The following IL36RN variants were observed in gnomAD, a reference collection of about 807,000 sequenced individuals.
IL36RN encodes the protein interleukin 36 receptor antagonist.
IL36RN carries 11 observed loss-of-function variants against 13.0 expected under a neutral mutation model. The observed-to-expected ratio is 0.85, with a 90% CI of 0.53 to 1.40. The LOEUF is 1.40. Ranked by LOEUF, IL36RN falls within the 40% of genes most tolerant of loss-of-function variation. IL36RN has a pLI of 0.00. For synonymous variants in IL36RN, 94 were observed against 84.1 expected (o/e 1.12, Z -0.64); for missense variants, 195 against 195.3 (o/e 1.00, Z 0.01).
chr2:113,059,582 G>A, intron 2 of IL36RN, 115 bp downstream of exon 2: 1 of 1,219,924 alleles, frequency 8.2e-7, no homozygotes, highest in Non-Finnish European at 1.2e-6. Context: ...ATTGCAGCTG[G>A]GAAATTGTGA....
chr2:113,061,296 G>T (rs1203433332), intron 3 of IL36RN, among the ~76,000 whole-genome samples: 1 of 152,202 alleles, frequency 6.6e-6, no homozygotes, highest in African/African-American at 2.4e-5. Context: ...CCATATGGGA[G>T]TGGGTTTCTG....
In IL36RN at chr2:113,064,453, A is replaced by G. The variant is rs1685702639; in HGVS notation, c.*1776A>G. ...GCAGAAGTGATGGCATGCCACTTCC[A>G]AGATTAGGTTATAAAAGACACTGCA... On this transcript the variant is annotated 3_prime_UTR_variant, in exon 5 of 5. Transcript: ENST00000393200. The G allele has an allele frequency of 6.6e-6, 1 of 152,184 alleles. No individual in the cohort carries two copies. The highest frequency in any genetic ancestry group is 2.4e-5 in the African/African-American group (1 of 41,422). The allele number at this position is 152,184 out of a possible 1,614,324, so 9.4% of individuals were successfully genotyped here. A position where few individuals can be genotyped will look rare whatever the true frequency, so the allele number is the denominator to read the frequency against.
chr2:113,059,813 C>T (rs1685605188), intron 2 of IL36RN, among the ~76,000 whole-genome samples: 1 of 152,172 alleles, frequency 6.6e-6, no homozygotes, highest in African/African-American at 2.4e-5. Context: ...AGCTCACCCA[C>T]TCTGTGCCCC....
rs2105071396 is a variant in IL36RN at position 113,064,072 on chromosome 2, G to T, written c.*1395G>T. ...AAAAGGAGAGGACACAGAGACAGAG[G>T]AGATGCGGGGAAGACTATGTAAAGA... On this transcript the variant is annotated 3_prime_UTR_variant, in exon 5 of 5. Coordinates refer to ENST00000393200, the MANE Select transcript of IL36RN (RefSeq NM_012275.3). 1 of 152,290 alleles carries T rather than the reference G, an allele frequency of 6.6e-6. No individual in the cohort carries two copies. The highest frequency in any genetic ancestry group is 2.4e-5 in the African/African-American group (1 of 41,556). The allele number at this position is 152,290 out of a possible 1,614,324, so 9.4% of individuals were successfully genotyped here.
chr2:113,059,582 G>T, intron 2 of IL36RN, 115 bp downstream of exon 2: 1 of 1,219,926 alleles, frequency 8.2e-7, no homozygotes, highest in Non-Finnish European at 1.2e-6. Context: ...ATTGCAGCTG[G>T]GAAATTGTGA....
intron 1 of IL36RN, 80 bp downstream of exon 1, chr2:113,059,321 T>C: frequency 8.9e-7 from 1 of 1,126,008 alleles, no homozygotes; most frequent in Non-Finnish European, 1.3e-6. Context: ...GCTGTTCACA[T>C]GCTGGGGAGC....
In IL36RN at chr2:113,059,396, GTTTA is replaced by G; in HGVS notation, c.-27-13_-27-10del. 1 of 1,612,474 alleles carries G rather than the reference GTTTA, an allele frequency of 6.2e-7. No homozygotes were observed. Among genetic ancestry groups the G allele is most frequent in the Non-Finnish European group, 8.5e-7 (1 of 1,178,888 alleles). ...GCCTCTCTCTCCATGATTTTCTGTTGTTTATTCCAAAATAGGGGAGTCTACACCC... is the reference window on the plus strand; with the variant it reads ...GCCTCTCTCTCCATGATTTTCTGTTGTTCCAAAATAGGGGAGTCTACACCC... On this transcript the variant is annotated splice_polypyrimidine_tract_variant and intron_variant, in intron 1 of 4. Transcript: ENST00000393200.
Position 113,063,014 on chromosome 2 carries a change from T to C in IL36RN, c.*337T>C, listed in dbSNP as rs1294372155. The C allele has an allele frequency of 5.3e-6, 2 of 377,772 alleles. No individual in the cohort carries two copies. Among genetic ancestry groups the C allele is most frequent in the Non-Finnish European group, 1.0e-5 (2 of 195,852 alleles). The allele number at this position is 377,772 out of a possible 1,614,324, so 23.4% of individuals were successfully genotyped here. A position where few individuals can be genotyped will look rare whatever the true frequency, so the allele number is the denominator to read the frequency against. ...TAATGGTAACTGACCAGTGTTACCC[T>C]GAGCCCCGCAGGCCAACCCATCCCC... On this transcript the variant is annotated 3_prime_UTR_variant, in exon 5 of 5. Transcript: ENST00000393200.
At position 113,062,776 on chromosome 2, in the gene IL36RN, C is replaced by A. The variant is rs547397492; in HGVS notation, c.*99C>A. ...ACAATCACTCTCTCTGCTCTCAGGACCCCCACGTCTGACTTAGTGGGCACC... is the reference window on the plus strand; with the variant it reads ...ACAATCACTCTCTCTGCTCTCAGGAACCCCACGTCTGACTTAGTGGGCACC... On this transcript the variant is annotated 3_prime_UTR_variant, in exon 5 of 5. Transcript: ENST00000393200. The A allele has an allele frequency of 1.9e-6, 2 of 1,078,422 alleles. No individual in the cohort carries two copies. Among genetic ancestry groups the A allele is most frequent in the African/African-American group, 1.6e-5 (1 of 64,262 alleles). 66.8% of individuals were successfully genotyped at this position (1,078,422 alleles called of 1,614,324 possible). A position where few individuals can be genotyped will look rare whatever the true frequency, so the allele number is the denominator to read the frequency against.
chr2:113,058,752 G>A (rs559451841), upstream of IL36RN: 1 of 152,660 alleles, frequency 6.6e-6, no homozygotes, highest in African/African-American at 2.4e-5. Flanking sequence ...AGGTAAGGAA[G>A]AAAGGGAATA....
rs748582624 is a variant in IL36RN at position 113,062,686 on chromosome 2, GC to G, written c.*15del. On this transcript the variant is annotated 3_prime_UTR_variant, in exon 5 of 5. Coordinates refer to ENST00000393200, the MANE Select transcript of IL36RN (RefSeq NM_012275.3). Reference sequence around the variant, plus strand: ...TCCAGCAGTGTGACTAGGGCAACGTGCCCCCCAGAACTCCCTGGGCAGAGCC... The same window carrying G: ...TCCAGCAGTGTGACTAGGGCAACGTGCCCCCAGAACTCCCTGGGCAGAGCC... The G allele has an allele frequency of 4.5e-5, 73 of 1,606,898 alleles. No homozygotes were observed. The highest frequency in any genetic ancestry group is 5.9e-5 in the Non-Finnish European group (69 of 1,179,034).
Position 113,063,129 on chromosome 2 carries a change from T to A in IL36RN, c.*452T>A, listed in dbSNP as rs1386835479. 4 of 263,418 alleles carry A rather than the reference T, an allele frequency of 1.5e-5. 1 individual carries two copies. Among genetic ancestry groups the A allele is most frequent in the Admixed American group, 1.5e-4 (3 of 20,030 alleles). The allele number at this position is 263,418 out of a possible 1,614,324, so 16.3% of individuals were successfully genotyped here. ...AGGGAGGTGGTCATAGAGTCAGGGATCTATGGCCCTTGGCCCAGCCCCACC... is the reference window on the plus strand; with the variant it reads ...AGGGAGGTGGTCATAGAGTCAGGGAACTATGGCCCTTGGCCCAGCCCCACC... On this transcript the variant is annotated 3_prime_UTR_variant, in exon 5 of 5. Transcript: ENST00000393200.
chr2:113,059,108 C>T (rs1447768200), upstream of IL36RN: 5 of 410,128 alleles, frequency 1.2e-5, no homozygotes, highest in African/African-American at 4.0e-5. Context: ...TGTGAAATCA[C>T]GCTGGGAATC....
chr2:113,059,509 A>G, intron 2 of IL36RN, 42 bp downstream of exon 2: 1 of 1,611,736 alleles, frequency 6.2e-7, no homozygotes, highest in Non-Finnish European at 8.5e-7. Context: ...CCTCCGGAGG[A>G]AGTGAGTTCT....
chr2:113,059,155 T>G, upstream of IL36RN: 1 of 504,706 alleles, frequency 2.0e-6, no homozygotes, highest in Non-Finnish European at 3.6e-6. Context: ...TCAGGGCCCC[T>G]CCCTAGGCCT....
In IL36RN at chr2:113,062,822, T is replaced by C. The variant is rs984138108; in HGVS notation, c.*145T>C. The C allele has an allele frequency of 2.7e-6, 2 of 746,464 alleles. No homozygotes were observed. Among genetic ancestry groups the C allele is most frequent in the East Asian group, 5.4e-5 (2 of 37,290 alleles). The allele number at this position is 746,464 out of a possible 1,614,324, so 46.2% of individuals were successfully genotyped here. A position where few individuals can be genotyped will look rare whatever the true frequency, so the allele number is the denominator to read the frequency against. On this transcript the variant is annotated 3_prime_UTR_variant, in exon 5 of 5. Coordinates refer to ENST00000393200, the MANE Select transcript of IL36RN (RefSeq NM_012275.3). ...GCACCTGACCACTTTGTCTTCTGGT[T>C]CCCAGTTTGGATAAATTCTGAGATT... is the stretch of plus-strand genomic sequence containing the variant.
chr2:113,062,783 G>C lies in IL36RN; in HGVS notation c.*106G>C. ...CTCTCTCTGCTCTCAGGACCCCCAC[G>C]TCTGACTTAGTGGGCACCTGACCAC... On this transcript the variant is annotated 3_prime_UTR_variant, in exon 5 of 5. Coordinates refer to ENST00000393200, the MANE Select transcript of IL36RN (RefSeq NM_012275.3). 5.1e-6 allele frequency: 5 copies of C among 985,598 alleles called. No individual in the cohort carries two copies. Among genetic ancestry groups the C allele is most frequent in the Non-Finnish European group, 7.7e-6 (5 of 645,166 alleles). The allele number at this position is 985,598 out of a possible 1,614,324, so 61.1% of individuals were successfully genotyped here.
At position 113,062,158 on chromosome 2, in the gene IL36RN, G is replaced by A. The variant is rs370859782; in HGVS notation, c.150G>A (p.Leu50=). ...EEISVVPNRW[L]DASLSPVILG... ...TCAGCGTGGTCCCCAATCGGTGGCTGGATGCCAGCCTGTCCCCCGTCATCC... is the reference window on the plus strand; with the variant it reads ...TCAGCGTGGTCCCCAATCGGTGGCTAGATGCCAGCCTGTCCCCCGTCATCC... Residue 50 remains leucine, a synonymous_variant, in exon 4 of 5, where the codon CTG becomes CTA. Transcript: ENST00000393200. 15 of 1,614,082 alleles carry A rather than the reference G, an allele frequency of 9.3e-6. No individual in the cohort carries two copies. Among genetic ancestry groups the A allele is most frequent in the Non-Finnish European group, 1.3e-5 (15 of 1,179,964 alleles).
intron 4 of IL36RN, 58 bp from the exon 5 acceptor site, chr2:113,062,395 C>T: frequency 1.2e-6 from 2 of 1,606,638 alleles, no homozygotes; most frequent in Non-Finnish European, 1.7e-6. Context: ...GGATCCTGCC[C>T]AGCCCTCCCT....
Sources: allele counts gnomAD v4.1 joint callset (sites outside exome capture counted in the v4.1 genomes callset), GRCh38; gene constraint gnomAD v4.1.1; transcripts MANE v1.5; gene names NCBI Gene and HGNC (gene_info 2026-07-23, HGNC 2026-07-21).